The following DEFB131A variants were observed in gnomAD, a reference collection of about 807,000 sequenced individuals.
The protein encoded by DEFB131A is defensin beta 131A.
In DEFB131A, 5 loss-of-function variants were observed where a neutral mutation model predicts 2.4. The observed-to-expected ratio is 2.12, with a 90% CI of 1.11 to 4.47. The LOEUF is 4.47. Ranked by LOEUF, DEFB131A falls within the 30% of genes most tolerant of loss-of-function variation. The pLI is 0.00. For synonymous variants in DEFB131A, 34 were observed against 25.7 expected, an observed-to-expected ratio of 1.32 and a Z score of -0.97; for missense variants, 120 against 79.9, an observed-to-expected ratio of 1.50 and a Z score of -1.91.
At position 9,450,485 on chromosome 4, in the gene DEFB131A, A is replaced by T. The variant is rs528558970; in HGVS notation, c.184A>T (p.Ile62Phe). ...CAGCATCTGCTGCAAACTGAAGATC[A>T]TTGAAATTGACGGACAAAAGAAGTG... is the stretch of plus-strand genomic sequence containing the variant. ...DFSICCKLKIIEIDGQKKW is the reference protein window; with the variant it reads ...DFSICCKLKIFEIDGQKKW Residue 62 changes from isoleucine to phenylalanine, a missense_variant, in exon 2 of 2, where the codon ATT becomes TTT. Coordinates refer to ENST00000334879, the MANE Select transcript of DEFB131A (RefSeq NM_001040448.3). 10 of 1,610,326 alleles carry T rather than the reference A, an allele frequency of 6.2e-6. No homozygotes were observed. In the East Asian group the frequency reaches 1.3e-4, roughly 22 times the overall value.
chr4:9,447,559 G>C (rs1002519068), intron 1 of DEFB131A, among the ~76,000 whole-genome samples: 9 of 152,196 alleles, frequency 5.9e-5, no homozygotes, highest in Admixed American at 2.0e-4. Context: ...CCTGAGGCCT[G>C]TCTTGGCTTG....
intron 1 of DEFB131A, among the ~76,000 whole-genome samples, chr4:9,449,110 C>A (rs1350063142): frequency 2.0e-5 from 3 of 150,946 alleles, no homozygotes; most frequent in Non-Finnish European, 4.4e-5. Flanking sequence ...AGATAAGACA[C>A]TTAAGAATAA....
chr4:9,448,040 G>A (rs1717547642), intron 1 of DEFB131A, among the ~76,000 whole-genome samples: 1 of 151,996 alleles, frequency 6.6e-6, no homozygotes, highest in Admixed American at 6.6e-5. Context: ...AAGAAATTCT[G>A]ACTGAGATTT....
chr4:9,445,525 T>C lies in DEFB131A; in HGVS notation c.58+934T>C, dbSNP rs1477234623. ...ATTAAACTGCGGTTCATACCTGAGATTTAGATTACTGGTTGACTTATTGAT... is the reference window on the plus strand; with the variant it reads ...ATTAAACTGCGGTTCATACCTGAGACTTAGATTACTGGTTGACTTATTGAT... On this transcript the variant is annotated intron_variant, in intron 1 of 1. Transcript: ENST00000334879. Among the ~76,000 whole-genome samples the C allele has an allele frequency of 4.6e-5, 7 of 151,780 alleles. 1 individual carries two copies. The South Asian group carries it at 1.0e-3, about 23-fold the overall frequency.
intron 1 of DEFB131A, among the ~76,000 whole-genome samples, chr4:9,449,002 T>C (rs1365874980): frequency 6.6e-6 from 1 of 151,994 alleles, no homozygotes; most frequent in Non-Finnish European, 1.5e-5. Context: ...AGTTGCAGGA[T>C]AGAAAATCAA....
In DEFB131A at chr4:9,444,583, T is replaced by C. The variant is rs536733055; in HGVS notation, c.50T>C (p.Val17Ala). Residue 17 changes from valine to alanine, a missense_variant, in exon 1 of 2, where the codon GTT (valine) becomes GCT (alanine). By Grantham distance (64) the Val-to-Ala change is moderately conservative. Transcript: ENST00000334879. ...VFGVLSLMFT[V>A]PPARSFISND... is the part of the protein sequence containing the mutation. ...GGAGTCCTTTCCTTGATGTTCACAG[T>C]TCCTCCAGGTAAGACAGAAACTTTT... 11 of 1,586,414 alleles carry C rather than the reference T, an allele frequency of 6.9e-6. No individual in the cohort carries two copies. The highest frequency in any genetic ancestry group is 2.8e-5 in the African/African-American group (2 of 71,558).
chr4:9,446,789 A>C (rs1717515414), intron 1 of DEFB131A, among the ~76,000 whole-genome samples: 1 of 151,958 alleles, frequency 6.6e-6, no homozygotes, highest in Admixed American at 6.6e-5. Context: ...TTGTGTTTCC[A>C]TTTGCATATA....
intron 1 of DEFB131A, 119 bp from the exon 2 acceptor site, chr4:9,450,241 T>G: frequency 8.4e-7 from 1 of 1,193,646 alleles, no homozygotes; most frequent in Non-Finnish European, 1.1e-6. Context: ...TTTTTGCTGT[T>G]GATTTTGTTT....
chr4:9,448,477 A>G lies in DEFB131A; in HGVS notation c.59-1883A>G, dbSNP rs563273909. ...CAATCTCGTGCCTCAGCCAGCCACC[A>G]CCATGCCTGGCTAATTTTGTATTTT... On this transcript the variant is annotated intron_variant, in intron 1 of 1. Transcript: ENST00000334879. Among the ~76,000 whole-genome samples the G allele has an allele frequency of 3.3e-5, 5 of 152,038 alleles. No homozygotes were observed. The East Asian group carries it at 7.7e-4, about 24-fold the overall frequency.
At chr4:9,447,076 G>A (rs7439835) in intron 1 of DEFB131A, among the ~76,000 whole-genome samples, 140,591 of 152,162 alleles carry the variant, frequency 0.92, 65,106 homozygotes, top group African/African-American at 0.98. Context: ...ATTGGATGAA[G>A]TGTTCTGTAA....
intron 1 of DEFB131A, among the ~76,000 whole-genome samples, chr4:9,449,814 C>T (rs1467683738): frequency 6.6e-6 from 1 of 152,144 alleles, no homozygotes; most frequent in Non-Finnish European, 1.5e-5. Context: ...TAAGACTCAA[C>T]TCCTTCTGAC....
At chr4:9,449,934 T>C (rs887126372) in intron 1 of DEFB131A, among the ~76,000 whole-genome samples, 1 of 152,140 alleles carries the variant, frequency 6.6e-6, no homozygotes, top group African/African-American at 2.4e-5. Flanking sequence ...AGTTTTATAT[T>C]TATCCATAAT....
chr4:9,447,554 G>A (rs1414361687), intron 1 of DEFB131A, among the ~76,000 whole-genome samples: 2 of 151,946 alleles, frequency 1.3e-5, no homozygotes, highest in Non-Finnish European at 2.9e-5. Flanking sequence ...TTTCTCCTGA[G>A]GCCTGTCTTG....
chr4:9,444,908 CAAAA>C (rs60893274), intron 1 of DEFB131A, among the ~76,000 whole-genome samples: 2 of 136,670 alleles, frequency 1.5e-5, no homozygotes, highest in Non-Finnish European at 1.5e-5. Context: ...CCCATCTCTC[CAAAA>C]AAAAAAAAAA....
At position 9,450,492 on chromosome 4, in the gene DEFB131A, T is replaced by C. The variant is rs770264299; in HGVS notation, c.191T>C (p.Ile64Thr). The C allele has an allele frequency of 3.3e-5, 53 of 1,610,020 alleles. No homozygotes were observed. Among genetic ancestry groups the C allele is most frequent in the Middle Eastern group, 4.5e-4 (2 of 4,442 alleles). The change falls in exon 2 of 2, where the codon ATT becomes ACT. Residue 64 changes from isoleucine to threonine, a missense_variant. Ile to Thr is a moderately conservative substitution (Grantham distance 89). Transcript: ENST00000334879. ...SICCKLKIIE[I>T]DGQKKW is the part of the protein sequence containing the mutation. ...TGCTGCAAACTGAAGATCATTGAAATTGACGGACAAAAGAAGTGGTGAAAA... is the reference window on the plus strand; with the variant it reads ...TGCTGCAAACTGAAGATCATTGAAACTGACGGACAAAAGAAGTGGTGAAAA...
At position 9,444,502 on chromosome 4, in the gene DEFB131A, G is replaced by A. The variant is rs770656626; in HGVS notation, c.-32G>A. The stretch of plus-strand genomic sequence containing the variant: ...AGAAGTCCTCTTCATCTCAGCTACT[G>A]ATTCTCTCTAACCTGCTTTACCTAT... On this transcript the variant is annotated 5_prime_UTR_variant, in exon 1 of 2. Transcript: ENST00000334879. The A allele has an allele frequency of 6.9e-5, 111 of 1,607,872 alleles. 1 individual carries two copies. The Admixed American group carries it at 7.8e-4, about 11-fold the overall frequency.
chr4:9,444,585 C>A lies in DEFB131A; in HGVS notation c.52C>A (p.Pro18Thr). ...AGTCCTTTCCTTGATGTTCACAGTT[C>A]CTCCAGGTAAGACAGAAACTTTTTT... is the stretch of plus-strand genomic sequence containing the variant. ...FGVLSLMFTV[P>T]PARSFISNDE... Residue 18 changes from proline (P) to threonine (T), a missense_variant, in exon 1 of 2, where the codon CCT (proline) becomes ACT (threonine). Pro to Thr is a conservative substitution (Grantham distance 38, BLOSUM62 -1). Coordinates refer to ENST00000334879, the MANE Select transcript of DEFB131A (RefSeq NM_001040448.3). 1 of 1,580,222 alleles carries A rather than the reference C, an allele frequency of 6.3e-7. No individual in the cohort carries two copies. Among genetic ancestry groups the A allele is most frequent in the Non-Finnish European group, 8.6e-7 (1 of 1,164,334 alleles).
intron 1 of DEFB131A, among the ~76,000 whole-genome samples, chr4:9,444,857 A>C (rs1434199420): frequency 1.3e-5 from 2 of 151,642 alleles, no homozygotes; most frequent in African/African-American, 4.8e-5. Context: ...GGGTGAGCAC[A>C]GGAGTTCTAG....
intron 1 of DEFB131A, among the ~76,000 whole-genome samples, chr4:9,447,602 G>A (rs145697907): frequency 0.019 from 2,901 of 151,830 alleles, 90 homozygotes; most frequent in African/African-American, 0.067. Flanking sequence ...GTCCTCTTAT[G>A]GCATTTTTTC....
Sources: allele counts gnomAD v4.1 joint callset (sites outside exome capture counted in the v4.1 genomes callset), GRCh38; gene constraint gnomAD v4.1.1; transcripts MANE v1.5; gene names NCBI Gene and HGNC (gene_info 2026-07-23, HGNC 2026-07-21).